The following SMARCA4 variants were observed in gnomAD, a reference collection of about 807,000 sequenced individuals.
The protein encoded by SMARCA4 is SWI/SNF-related matrix-associated actin-dependent regulator of chromatin subfamily A member 4.
A neutral mutation model predicts 193.9 loss-of-function variants in SMARCA4; 31 were observed. The observed-to-expected ratio is 0.16, with a 90% CI of 0.12 to 0.22. The LOEUF is 0.22. Ranked by LOEUF, SMARCA4 falls within the 10% of genes least tolerant of loss-of-function variation. The probability of loss-of-function intolerance (pLI) is 1.00; values close to 1 mark genes in which losing one functional copy is unlikely to be tolerated. For synonymous variants in SMARCA4, 942 were observed against 933.1 expected, an observed-to-expected ratio of 1.01 and a Z score of -0.17; for missense variants, 1,148 against 2,296.0, an observed-to-expected ratio of 0.50 and a Z score of 10.22.
Position 11,058,133 on chromosome 19 carries a change from A to T in SMARCA4, c.4425-122A>T. ...AAAAAAAAAAAAGCGCATGTGCAAGAAATAGCTCCTGAGCTGAGTTGGAAT... is the reference window on the plus strand; with the variant it reads ...AAAAAAAAAAAAGCGCATGTGCAAGTAATAGCTCCTGAGCTGAGTTGGAAT... On this transcript the variant is annotated intron_variant, in intron 30 of 34. Transcript: ENST00000344626. The surrounding 1 kb of genome is among the most constrained non-coding windows in gnomAD (Gnocchi z 5.8). The T allele has an allele frequency of 1.4e-6, 1 of 700,988 alleles. No individual in the cohort carries two copies. Among genetic ancestry groups the T allele is most frequent in the Non-Finnish European group, 2.5e-6 (1 of 394,406 alleles). The allele number at this position is 700,988 out of a possible 1,614,324, so 43.4% of individuals were successfully genotyped here. A position where few individuals can be genotyped will look rare whatever the true frequency, so the allele number is the denominator to read the frequency against.
intron 1 of SMARCA4, among the ~76,000 whole-genome samples, chr19:10,983,261 C>T (rs2085711853): frequency 6.6e-6 from 1 of 152,156 alleles, no homozygotes; most frequent in Admixed American, 6.5e-5. Flanking sequence ...GGTGACGTTT[C>T]CAAGTGTCAG....
At chr19:11,029,857 G>T (rs564561105) in intron 24 of SMARCA4, among the ~76,000 whole-genome samples, 1 of 152,202 alleles carries the variant, frequency 6.6e-6, no homozygotes, top group South Asian at 2.1e-4. Context: ...TGTATTTTTA[G>T]TAGAGACGGG....
rs894044957 is a variant in SMARCA4 at position 11,031,136 on chromosome 19, C to T, written c.3546+243C>T. On this transcript the variant is annotated intron_variant, in intron 25 of 34. Transcript: ENST00000344626. The surrounding 1 kb of genome is among the most constrained non-coding windows in gnomAD (Gnocchi z 4.3). Reference sequence around the variant, plus strand: ...GGAAAGCAGTGTATAAGCCATCCGTCGGTTTGGTTTTTCTTAAATCTTGGA... The same window carrying T: ...GGAAAGCAGTGTATAAGCCATCCGTTGGTTTGGTTTTTCTTAAATCTTGGA... 6 of 539,312 alleles carry T rather than the reference C, an allele frequency of 1.1e-5. No individual in the cohort carries two copies. The highest frequency in any genetic ancestry group is 3.1e-5 in the Admixed American group (1 of 32,312). 33.4% of individuals were successfully genotyped at this position (539,312 alleles called of 1,614,324 possible).
At chr19:11,029,280 C>G (rs1315420618) in intron 24 of SMARCA4, among the ~76,000 whole-genome samples, 1 of 152,272 alleles carries the variant, frequency 6.6e-6, no homozygotes, top group Non-Finnish European at 1.5e-5. Flanking sequence ...GCCATCCCGT[C>G]TGTGTCGTGT....
chr19:11,025,377 C>G, intron 21 of SMARCA4, 45 bp from the exon 22 acceptor site: 1 of 1,385,122 alleles, frequency 7.2e-7, no homozygotes, highest in South Asian at 1.2e-5. Flanking sequence ...CACCCCACCC[C>G]AGGAGGGCAA....
rs758003438 is a variant in SMARCA4 at position 11,019,563 on chromosome 19, C to G, written c.2506-28C>G. The G allele has an allele frequency of 6.5e-7, 1 of 1,529,732 alleles. No individual in the cohort carries two copies. The highest frequency in any genetic ancestry group is 9.0e-7 in the Non-Finnish European group (1 of 1,112,652). The allele number at this position is 1,529,732 out of a possible 1,614,324, so 94.8% of individuals were successfully genotyped here. The stretch of plus-strand genomic sequence containing the variant: ...CACCTGGCCACCCGGCTCCAAAAGC[C>G]GAGCTGTGCATCCTGCTTCCCTTGC... On this transcript the variant is annotated intron_variant, in intron 17 of 34. Transcript: ENST00000344626. The surrounding 1 kb of genome is among the most constrained non-coding windows in gnomAD (Gnocchi z 6.1).
intron 29 of SMARCA4, 51 bp downstream of exon 29, chr19:11,035,183 C>A (rs1384795494): frequency 1.3e-6 from 2 of 1,543,072 alleles, no homozygotes; most frequent in Non-Finnish European, 1.8e-6. Flanking sequence ...CCAGGCAGGG[C>A]TGGGGAGACA....
intron 30 of SMARCA4, among the ~76,000 whole-genome samples, chr19:11,056,687 T>C (rs1029190851): frequency 1.3e-5 from 2 of 152,116 alleles, no homozygotes; most frequent in Non-Finnish European, 2.9e-5. Flanking sequence ...GGATTCTGGC[T>C]CCCGTGTGTA....
rs2146680531 is a variant in SMARCA4, at chr19:11,034,214, G to A, written c.3951+14G>A. On this transcript the variant is annotated intron_variant, in intron 28 of 34. Transcript: ENST00000344626. The surrounding 1 kb of genome is among the most constrained non-coding windows in gnomAD (Gnocchi z 7.0). ...GATCTGTTCATGGTAAGCGCTGCAGGCTGGATGGGGCAGTTCAGGCATCCC... is the reference window on the plus strand; with the variant it reads ...GATCTGTTCATGGTAAGCGCTGCAGACTGGATGGGGCAGTTCAGGCATCCC... 1 of 1,602,930 alleles carries A rather than the reference G, an allele frequency of 6.2e-7. No homozygotes were observed. Among genetic ancestry groups the A allele is most frequent in the Non-Finnish European group, 8.5e-7 (1 of 1,170,200 alleles).
intron 8 of SMARCA4, among the ~76,000 whole-genome samples, chr19:10,993,139 C>A (rs1168912386): frequency 6.6e-6 from 1 of 151,908 alleles, no homozygotes; most frequent in Non-Finnish European, 1.5e-5. Flanking sequence ...GTGTGCACCA[C>A]CACACCTGGC....
chr19:10,970,508 C>T (rs964496657), intron 1 of SMARCA4, among the ~76,000 whole-genome samples: 16 of 152,226 alleles, frequency 1.1e-4, no homozygotes, highest in Middle Eastern at 3.2e-3. Context: ...CAGTGTCCAG[C>T]TCCTGGGCTC....
At chr19:11,027,679 C>T in intron 23 of SMARCA4, 105 bp from the exon 24 acceptor site, 3 of 1,255,248 alleles carry the variant, frequency 2.4e-6, no homozygotes, top group African/African-American at 1.5e-5. Context: ...GCCCTTGAAC[C>T]CGGCGCCTGG....
chr19:10,994,823 T>A lies in SMARCA4; in HGVS notation c.1420-5T>A. 6.2e-7 allele frequency: 1 copy of A among 1,613,806 alleles called. No individual in the cohort carries two copies. Among genetic ancestry groups the A allele is most frequent in the East Asian group, 2.2e-5 (1 of 44,876 alleles). The stretch of plus-strand genomic sequence containing the variant: ...GTCAGCCTTCTCTTTTGTGCTTTCC[T>A]GCAGGAATACCTCAATAGCATTCTC... On this transcript the variant is annotated splice_polypyrimidine_tract_variant and splice_region_variant and intron_variant, in intron 8 of 34. Coordinates refer to ENST00000344626, the MANE Select transcript of SMARCA4 (RefSeq NM_003072.5).
intron 13 of SMARCA4, 49 bp from the exon 14 acceptor site, chr19:11,007,853 C>T (rs2146187434): frequency 6.2e-7 from 1 of 1,609,950 alleles, no homozygotes; most frequent in Non-Finnish European, 8.5e-7. Flanking sequence ...AGTCCCGTCC[C>T]CCCTCTCTGG....
chr19:11,052,142 T>TAGA (rs1274221630), intron 30 of SMARCA4, among the ~76,000 whole-genome samples: 1 of 148,546 alleles, frequency 6.7e-6, no homozygotes, highest in African/African-American at 2.5e-5. Context: ...AGGGATGAAG[T>TAGA]AGAAGATTCA....
intron 30 of SMARCA4, among the ~76,000 whole-genome samples, chr19:11,046,397 A>C (rs1052306953): frequency 6.6e-6 from 1 of 152,202 alleles, no homozygotes; most frequent in African/African-American, 2.4e-5. Context: ...TCCATGTGGG[A>C]GGATGCCTCA....
Position 11,031,425 on chromosome 19 carries a change from T to G in SMARCA4, c.3546+532T>G. The G allele has an allele frequency of 5.4e-6, 1 of 185,436 alleles. No homozygotes were observed. The highest frequency in any genetic ancestry group is 1.2e-5 in the Non-Finnish European group (1 of 86,432). 11.5% of individuals were successfully genotyped at this position (185,436 alleles called of 1,614,324 possible). ...AGTTAAACTTTTCTCTGTGTTTCAT[T>G]ATAAGACTGATAAGTTCTTATTGTT... is the stretch of plus-strand genomic sequence containing the variant. On this transcript the variant is annotated intron_variant, in intron 25 of 34. Transcript: ENST00000344626. The surrounding 1 kb of genome is among the most constrained non-coding windows in gnomAD (Gnocchi z 4.3).
At chr19:11,027,759 C>G (rs2146539900) in intron 23 of SMARCA4, 25 bp from the exon 24 acceptor site, 1 of 1,613,778 alleles carries the variant, frequency 6.2e-7, no homozygotes. Context: ...CCTGCGCCTT[C>G]TCTCCTGCCT....
At chr19:10,975,052 C>T (rs2085020016) in intron 1 of SMARCA4, among the ~76,000 whole-genome samples, 2 of 128,032 alleles carry the variant, frequency 1.6e-5, no homozygotes. Context: ...GACAGGGTCT[C>T]TGTCGCTCAG....
Sources: gnomAD v4.1 joint callset for allele counts (sites outside exome capture counted in the v4.1 genomes callset) on GRCh38, gnomAD v4.1.1 for gene constraint, Gnocchi (gnomAD v3.1) non-coding constraint, MANE v1.5 for transcripts, NCBI Gene and HGNC (gene_info 2026-07-23, HGNC 2026-07-21) for gene names.